Variants in PTK7 observed in about 807,000 individuals in gnomAD.
The protein encoded by PTK7 is protein tyrosine kinase 7 (inactive), also known as inactive tyrosine-protein kinase 7.
In PTK7, 39 loss-of-function variants were observed where a neutral mutation model predicts 116.6. That is an observed-to-expected ratio of 0.33 (90% CI 0.26 to 0.44). PTK7 has a LOEUF of 0.44. Among genes scored for constraint, PTK7 ranks in the 20% least tolerant of loss-of-function variants. PTK7 has a pLI of 1.00. For synonymous variants in PTK7, 546 were observed against 563.6 expected (o/e 0.97, Z 0.44); for missense variants, 1,169 against 1,425.6 (o/e 0.82, Z 2.90).
At chr6:43,119,299 G>A (rs1582133808) in intron 1 of PTK7, among the ~76,000 whole-genome samples, 1 of 152,122 alleles carries the variant, frequency 6.6e-6, no homozygotes, top group South Asian at 2.1e-4. Flanking sequence ...GGTGAAAAAG[G>A]CTCGTAAATT....
At chr6:43,110,184 C>CA (rs1768117391) in intron 1 of PTK7, among the ~76,000 whole-genome samples, 1 of 151,158 alleles carries the variant, frequency 6.6e-6, no homozygotes, top group Non-Finnish European at 1.5e-5. Context: ...GTTTAGAATA[C>CA]AAAATACATG....
intron 1 of PTK7, among the ~76,000 whole-genome samples, chr6:43,120,232 C>T (rs1310300618): frequency 2.6e-5 from 4 of 152,174 alleles, no homozygotes; most frequent in South Asian, 2.1e-4. Context: ...CATTCCCCCA[C>T]GCGTGCTCTC....
At chr6:43,132,284 G>A in intron 6 of PTK7, 120 bp downstream of exon 6, 1 of 1,502,264 alleles carries the variant, frequency 6.7e-7, no homozygotes, top group Non-Finnish European at 9.0e-7. Context: ...AAAGGATGCT[G>A]GGAGTAGGAA....
Position 43,143,868 on chromosome 6 carries a change from C to T in PTK7, c.2251+248C>T, listed in dbSNP as rs533511883. ...AGCTTCCTATGATTCCCTGCTGTTT[C>T]CTCCTCCCAGCACAAAACCACAGAT... On this transcript the variant is annotated intron_variant, in intron 14 of 19. Transcript: ENST00000230419. The surrounding 1 kb of genome is among the most constrained non-coding windows in gnomAD (Gnocchi z 4.2). Among the ~76,000 whole-genome samples, 8 of 152,210 alleles carry T rather than the reference C, an allele frequency of 5.3e-5. No homozygotes were observed. The highest frequency in any genetic ancestry group is 1.0e-4 in the Non-Finnish European group (7 of 68,042).
At position 43,161,081 on chromosome 6, in the gene PTK7, A is replaced by G; in HGVS notation, c.*200A>G. 1 of 724,128 alleles carries G rather than the reference A, an allele frequency of 1.4e-6. No homozygotes were observed. Among genetic ancestry groups the G allele is most frequent in the Admixed American group, 3.0e-5 (1 of 33,124 alleles). The allele number at this position is 724,128 out of a possible 1,614,324, so 44.9% of individuals were successfully genotyped here. A position where few individuals can be genotyped will look rare whatever the true frequency, so the allele number is the denominator to read the frequency against. ...CTTTGGGAGGCTGACTTGGACCCAA[A>G]CTGGGCGACTAGGGCTTTGAGCTGG... On this transcript the variant is annotated 3_prime_UTR_variant, in exon 20 of 20. Coordinates refer to ENST00000230419, the MANE Select transcript of PTK7 (RefSeq NM_002821.5).
chr6:43,095,241 G>A (rs548318209), intron 1 of PTK7, among the ~76,000 whole-genome samples: 4 of 148,266 alleles, frequency 2.7e-5, no homozygotes, highest in African/African-American at 1.0e-4. Flanking sequence ...GTGTGGTGGC[G>A]CATGCCTGTA....
chr6:43,093,936 C>T (rs1271979732), intron 1 of PTK7, among the ~76,000 whole-genome samples: 1 of 152,154 alleles, frequency 6.6e-6, no homozygotes, highest in African/African-American at 2.4e-5. Context: ...ATGTCATGCT[C>T]CTGTGCAAAC....
rs901704173 is a variant in PTK7 at position 43,148,096 on chromosome 6, TA to T, written c.2721+1406del. On this transcript the variant is annotated intron_variant, in intron 17 of 19. Transcript: ENST00000230419. ...AGTAAGACCCTGTCTCTACAAAAAATAAAAAAAAGTTAACCGGGCGTGGGGG... is the reference window on the plus strand; with the variant it reads ...AGTAAGACCCTGTCTCTACAAAAAATAAAAAAAGTTAACCGGGCGTGGGGG... 2.8e-3 allele frequency among the ~76,000 whole-genome samples: 431 copies of T among 151,596 alleles called. 2 individuals are homozygous for T. Among genetic ancestry groups the T allele is most frequent in the African/African-American group, 9.9e-3 (409 of 41,320 alleles).
At chr6:43,119,407 C>A (rs928125669) in intron 1 of PTK7, among the ~76,000 whole-genome samples, 2 of 152,104 alleles carry the variant, frequency 1.3e-5, no homozygotes, top group Non-Finnish European at 2.9e-5. Context: ...TCTAGTTCAC[C>A]CCCTGCTTCT....
intron 1 of PTK7, among the ~76,000 whole-genome samples, chr6:43,109,877 A>G (rs1582110466): frequency 6.6e-6 from 1 of 151,044 alleles, no homozygotes; most frequent in Non-Finnish European, 1.5e-5. Flanking sequence ...TTTTTGTATT[A>G]TTAGTAGAGA....
At chr6:43,119,886 T>G (rs1768858489) in intron 1 of PTK7, among the ~76,000 whole-genome samples, 1 of 152,178 alleles carries the variant, frequency 6.6e-6, no homozygotes, top group African/African-American at 2.4e-5. Flanking sequence ...CCCTTGGCAA[T>G]TCTGTTCCAG....
chr6:43,136,891 C>G (rs1011243580), intron 7 of PTK7, among the ~76,000 whole-genome samples: 1 of 152,112 alleles, frequency 6.6e-6, no homozygotes, highest in Non-Finnish European at 1.5e-5. Flanking sequence ...GTGGTCCTAG[C>G]CACTTTGGAG....
In PTK7 at chr6:43,145,086, TGCCCA is replaced by T; in HGVS notation, c.2408-107_2408-103del. On this transcript the variant is annotated intron_variant, in intron 15 of 19. Transcript: ENST00000230419. The surrounding 1 kb of genome is among the most constrained non-coding windows in gnomAD (Gnocchi z 4.8). Reference sequence around the variant, plus strand: ...GGGGTCACAGCAGAACCGGGTCTCGTGCCCAGCCCAGGTGGGTGGGTCCCCACTGT... The same window carrying T: ...GGGGTCACAGCAGAACCGGGTCTCGTGCCCAGGTGGGTGGGTCCCCACTGT... 1 of 886,676 alleles carries T rather than the reference TGCCCA, an allele frequency of 1.1e-6. No homozygotes were observed. The highest frequency in any genetic ancestry group is 2.0e-5 in the South Asian group (1 of 48,844). 54.9% of individuals were successfully genotyped at this position (886,676 alleles called of 1,614,324 possible). A position where few individuals can be genotyped will look rare whatever the true frequency, so the allele number is the denominator to read the frequency against.
intron 7 of PTK7, chr6:43,138,532 A>G (rs186574120): frequency 2.1e-4 from 47 of 220,416 alleles, no homozygotes; most frequent in African/African-American, 9.6e-4. Context: ...ATTGTGGTGC[A>G]TGCCTGTGGT....
intron 17 of PTK7, among the ~76,000 whole-genome samples, chr6:43,157,343 TATATATATATATATATA>T (rs1483161542): frequency 0.29 from 12,116 of 41,520 alleles, 2,497 homozygotes; most frequent in Non-Finnish European, 0.33. Flanking sequence ...TATATATATA[TATATATATATATATATA>T]TATATTTTTT....
intron 1 of PTK7, among the ~76,000 whole-genome samples, chr6:43,126,189 G>T (rs1769276002): frequency 6.6e-6 from 1 of 152,132 alleles, no homozygotes; most frequent in African/African-American, 2.4e-5. Flanking sequence ...GTGTGGTGGT[G>T]CGTAGCTGTA....
At chr6:43,097,213 T>G (rs1767313952) in intron 1 of PTK7, among the ~76,000 whole-genome samples, 1 of 152,210 alleles carries the variant, frequency 6.6e-6, no homozygotes, top group Non-Finnish European at 1.5e-5. Flanking sequence ...GGAAGGCCCC[T>G]GCATCTTTTA....
At chr6:43,131,872 G>C (rs1769702328) in intron 5 of PTK7, 144 bp from the exon 6 acceptor site, 1 of 1,090,136 alleles carries the variant, frequency 9.2e-7, no homozygotes, top group South Asian at 1.5e-5. Flanking sequence ...CACCAGTCTG[G>C]AGTGTCAGCT....
intron 1 of PTK7, among the ~76,000 whole-genome samples, chr6:43,117,589 GA>G (rs1265714153): frequency 2.0e-5 from 3 of 152,154 alleles, no homozygotes; most frequent in African/African-American, 7.2e-5. Flanking sequence ...TCTATAAAAT[GA>G]GGCTGATGGT....
Sources: gnomAD v4.1 joint callset for allele counts (sites outside exome capture counted in the v4.1 genomes callset) on GRCh38, gnomAD v4.1.1 for gene constraint, Gnocchi (gnomAD v3.1) non-coding constraint, MANE v1.5 for transcripts, NCBI Gene and HGNC (gene_info 2026-07-23, HGNC 2026-07-21) for gene names.